The following ZFAT variants were observed in gnomAD, a reference collection of about 807,000 sequenced individuals.
ZFAT encodes zinc finger protein ZFAT.
In ZFAT, 64 loss-of-function variants were observed where a neutral mutation model predicts 117.7. The observed-to-expected ratio is 0.54, with a 90% CI of 0.44 to 0.67. The LOEUF (loss-of-function observed/expected upper bound fraction) is 0.67. Ranked by LOEUF, ZFAT falls within the 30% of genes least tolerant of loss-of-function variation. ZFAT has a pLI of 0.00. For missense variants in ZFAT, 1,433 were observed against 1,584.5 expected (o/e 0.90, Z 1.62); for synonymous variants, 679 against 615.0 (o/e 1.10, Z -1.54).
chr8:134,549,442 GAAA>G lies in ZFAT; in HGVS notation c.2976+15888_2976+15890del, dbSNP rs34384490. Reference sequence around the variant, plus strand: ...GGCGACAGAGCGAGACTCCGTCTCAGAAAAAAAAAAAAAAAAAAAGAAGAAGAA... The same window carrying G: ...GGCGACAGAGCGAGACTCCGTCTCAGAAAAAAAAAAAAAAAAGAAGAAGAA... On this transcript the variant is annotated intron_variant, in intron 11 of 15. Transcript: ENST00000377838. Among the ~76,000 whole-genome samples the G allele has an allele frequency of 3.8e-3, 451 of 119,378 alleles. 3 individuals are homozygous for G. Among genetic ancestry groups the G allele is most frequent in the African/African-American group, 0.013 (397 of 31,610 alleles). 78.3% of individuals were successfully genotyped at this position (119,378 alleles called of 152,430 possible). A position where few individuals can be genotyped will look rare whatever the true frequency, so the allele number is the denominator to read the frequency against.
chr8:134,648,653 T>G lies in ZFAT; in HGVS notation c.196+8908A>C, dbSNP rs117605503. 4.6e-3 allele frequency among the ~76,000 whole-genome samples: 701 copies of G among 152,070 alleles called. 21 individuals carry two copies. The East Asian group carries it at 0.07, about 15-fold the overall frequency. On this transcript the variant is annotated intron_variant, in intron 2 of 15. Transcript: ENST00000377838. ...CACCTATAACAAGAGATTGAATCAG[T>G]GAAAAAATAAAAAGCCCAGGACCAA... is the stretch of plus-strand genomic sequence containing the variant.
chr8:134,671,351 T>C (rs1183242469), intron 1 of ZFAT, among the ~76,000 whole-genome samples: 1 of 152,198 alleles, frequency 6.6e-6, no homozygotes, highest in African/African-American at 2.4e-5. Flanking sequence ...GCAAAAATCC[T>C]CAATAAAATA....
At chr8:134,712,125 G>A (rs1814023900) in intron 1 of ZFAT, among the ~76,000 whole-genome samples, 1 of 152,194 alleles carries the variant, frequency 6.6e-6, no homozygotes, top group Admixed American at 6.5e-5. Context: ...CAAGTCAGGC[G>A]AGCACGCAGG....
the ZFAT span, chr8:134,785,236 A>G: frequency 6.6e-6 from 1 of 152,114 alleles, no homozygotes; most frequent in African/African-American, 2.4e-5. Context: ...TCCCCCCTTA[A>G]GTAGTCCTTT....
chr8:134,818,784 G>C, the ZFAT span, among the ~76,000 whole-genome samples: 1 of 152,182 alleles, frequency 6.6e-6, no homozygotes, highest in Non-Finnish European at 1.5e-5. Flanking sequence ...GTAACTATTG[G>C]TGCATGGTAC....
At position 134,696,510 on chromosome 8, in the gene ZFAT, G is replaced by A. The variant is rs368798494; in HGVS notation, c.19+16335C>T. On this transcript the variant is annotated intron_variant, in intron 1 of 15. Coordinates refer to ENST00000377838, the MANE Select transcript of ZFAT (RefSeq NM_020863.4). ...TTCCCACGGAGCATGCAGAGGTGAG[G>A]CCACCGCCTCTCCATCTACACCCTT... is the stretch of plus-strand genomic sequence containing the variant. The A allele has an allele frequency of 4.1e-6, 4 of 983,332 alleles. No individual in the cohort carries two copies. The African/African-American group carries it at 7.1e-5, about 17-fold the overall frequency. The allele number at this position is 983,332 out of a possible 1,614,324, so 60.9% of individuals were successfully genotyped here. A position where few individuals can be genotyped will look rare whatever the true frequency, so the allele number is the denominator to read the frequency against.
chr8:134,599,691 TG>T (rs1331238741), intron 7 of ZFAT: 1 of 435,580 alleles, frequency 2.3e-6, no homozygotes, highest in African/African-American at 2.1e-5. Context: ...TTTTGCTGTC[TG>T]TAGCATAAAA....
chr8:134,653,477 C>T (rs1328240163), intron 2 of ZFAT, among the ~76,000 whole-genome samples: 1 of 121,630 alleles, frequency 8.2e-6, no homozygotes, highest in African/African-American at 3.2e-5. Flanking sequence ...GTTGCACAGG[C>T]TGGTCTCAAA....
rs1301282336 is a variant in ZFAT, at chr8:134,600,488, G to A, written c.2423C>T (p.Ser808Leu). 7 of 1,614,106 alleles carry A rather than the reference G, an allele frequency of 4.3e-6. No homozygotes were observed. In the African/African-American group the frequency reaches 5.3e-5, roughly 12 times the overall value. Residue 808 changes from serine (S) to leucine (L), a missense_variant, in exon 7 of 16, where the codon TCA becomes TTA. Around this residue, in one of 5 missense-constraint regions of ZFAT, gnomAD observed 49 missense variants for 81.5 expected, o/e 0.60. Transcript: ENST00000377838. The part of the protein sequence containing the change: ...LKCPTDGCDY[S>L]TPDKYKLQAH... ...CTGTAGCTTATATTTATCTGGAGTTGAGTAGTCACAGCCATCGGTGGGACA... is the reference window on the plus strand; with the variant it reads ...CTGTAGCTTATATTTATCTGGAGTTAAGTAGTCACAGCCATCGGTGGGACA...
At chr8:134,620,211 C>T (rs751885467) in intron 3 of ZFAT, among the ~76,000 whole-genome samples, 11 of 152,240 alleles carry the variant, frequency 7.2e-5, no homozygotes, top group Non-Finnish European at 1.3e-4. Context: ...TTCCTTCTCA[C>T]CCACCTCTCT....
intron 10 of ZFAT, among the ~76,000 whole-genome samples, chr8:134,567,333 ATGTC>A (rs1419115135): frequency 1.3e-5 from 2 of 152,026 alleles, no homozygotes; most frequent in Non-Finnish European, 2.9e-5. Flanking sequence ...AATATTTCTC[ATGTC>A]TGTCTATTTC....
chr8:134,490,330 C>G (rs766097643), intron 15 of ZFAT, among the ~76,000 whole-genome samples: 2 of 152,202 alleles, frequency 1.3e-5, no homozygotes, highest in African/African-American at 2.4e-5. Flanking sequence ...AAAGTCCCAT[C>G]CCAATCTCTT....
At chr8:134,526,043 T>TTTG (rs58483395) in intron 12 of ZFAT, among the ~76,000 whole-genome samples, 8 of 152,062 alleles carry the variant, frequency 5.3e-5, no homozygotes, top group East Asian at 1.9e-4. Context: ...ACCTCCACTT[T>TTTG]TTGTTGTTGT....
intron 10 of ZFAT, among the ~76,000 whole-genome samples, chr8:134,567,004 A>G (rs901722528): frequency 1.3e-5 from 2 of 152,170 alleles, no homozygotes; most frequent in South Asian, 2.1e-4. Context: ...TAAGTCTACA[A>G]GCATCCTTGC....
At position 134,642,549 on chromosome 8, in the gene ZFAT, T is replaced by G. The variant is rs1013178959; in HGVS notation, c.197-4837A>C. On this transcript the variant is annotated intron_variant, in intron 2 of 15. Transcript: ENST00000377838. ...TTTAAGAAACTATTATCCTCCCACC[T>G]GGTCCACAGTTAGATAATGTGATTT... Among the ~76,000 whole-genome samples, 4 of 152,222 alleles carry G rather than the reference T, an allele frequency of 2.6e-5. No homozygotes were observed. In the East Asian group the frequency reaches 7.7e-4, roughly 29 times the overall value.
chr8:134,764,871 A>G, the ZFAT span: 2 of 152,314 alleles, frequency 1.3e-5, no homozygotes, highest in South Asian at 4.1e-4. Flanking sequence ...TTATATATCT[A>G]TGCACCTCAT....
chr8:134,635,648 G>GGA (rs111233731), intron 3 of ZFAT, among the ~76,000 whole-genome samples: 68,039 of 149,474 alleles, frequency 0.46, 16,323 homozygotes, highest in East Asian at 0.89. Flanking sequence ...AGGGAGAGAG[G>GGA]GAGAGAGAGA....
intron 2 of ZFAT, among the ~76,000 whole-genome samples, chr8:134,644,678 CCA>C (rs201744667): frequency 0.012 from 1,759 of 152,046 alleles, 33 homozygotes; most frequent in African/African-American, 0.039. Context: ...GTGCCCACAA[CCA>C]CACACACGTG....
chr8:134,583,182 C>T (rs1184691992), intron 10 of ZFAT, among the ~76,000 whole-genome samples: 4 of 152,060 alleles, frequency 2.6e-5, no homozygotes, highest in Non-Finnish European at 5.9e-5. Flanking sequence ...TTACCTTTAC[C>T]GTGGCCTGCC....
Sources: allele counts gnomAD v4.1 joint callset (sites outside exome capture counted in the v4.1 genomes callset), GRCh38; gene constraint gnomAD v4.1.1; regional missense constraint gnomAD v4.1.1; transcripts MANE v1.5; gene names NCBI Gene and HGNC (gene_info 2026-07-23, HGNC 2026-07-21).